CCDC148: variants seen among roughly 807,000 people sequenced by gnomAD.
CCDC148 encodes coiled-coil domain-containing protein 148.
CCDC148 carries 89 observed loss-of-function variants against 85.7 expected under a neutral mutation model. That is an observed-to-expected ratio of 1.04 (90% CI 0.87 to 1.24). CCDC148 has a LOEUF of 1.24. Ranked by LOEUF, CCDC148 falls within the 50% of genes most tolerant of loss-of-function variation. CCDC148 has a pLI of 0.00. For synonymous variants in CCDC148, 230 were observed against 213.9 expected (o/e 1.08, Z -0.66); for missense variants, 692 against 671.7 (o/e 1.03, Z -0.33).
chr2:158,256,641 A>T (rs1689023653), intron 9 of CCDC148, among the ~76,000 whole-genome samples: 1 of 151,768 alleles, frequency 6.6e-6, no homozygotes, highest in Non-Finnish European at 1.5e-5. Context: ...CATTTATGAG[A>T]GATTATTCTG....
chr2:158,261,918 A>G (rs909401622), intron 9 of CCDC148, among the ~76,000 whole-genome samples: 9 of 152,120 alleles, frequency 5.9e-5, no homozygotes, highest in Non-Finnish European at 8.8e-5. Context: ...TGTTGGTGTA[A>G]GTGTAAATTA....
intron 1 of CCDC148, among the ~76,000 whole-genome samples, chr2:158,452,084 A>C (rs1200678871): frequency 6.6e-6 from 1 of 152,240 alleles, no homozygotes; most frequent in Non-Finnish European, 1.5e-5. Flanking sequence ...TGAGAATTAA[A>C]CTGATAAAAG....
intron 1 of CCDC148, among the ~76,000 whole-genome samples, chr2:158,410,519 A>G (rs979573524): frequency 6.6e-6 from 1 of 152,104 alleles, no homozygotes; most frequent in Non-Finnish European, 1.5e-5. Context: ...TTGTGTATCA[A>G]TTATAGGTGT....
chr2:158,365,941 C>T (rs1484215412), intron 1 of CCDC148: 1 of 1,090,508 alleles, frequency 9.2e-7, no homozygotes, highest in African/African-American at 1.7e-5. Context: ...AATCAACATT[C>T]CAATTGTGTA....
intron 1 of CCDC148, among the ~76,000 whole-genome samples, chr2:158,361,996 C>A (rs866398755): frequency 5.8e-3 from 630 of 109,536 alleles, no homozygotes; most frequent in Non-Finnish European, 6.4e-3. Flanking sequence ...AATGGAAAGC[C>A]AAAAAAAAAA....
At chr2:158,240,667 A>G (rs1191480352) in intron 10 of CCDC148, among the ~76,000 whole-genome samples, 1 of 152,076 alleles carries the variant, frequency 6.6e-6, no homozygotes, top group East Asian at 1.9e-4. Context: ...CACCGCCTGA[A>G]GCCCTGAGAT....
chr2:158,184,401 T>C (rs1010386431), intron 11 of CCDC148, among the ~76,000 whole-genome samples: 7 of 152,130 alleles, frequency 4.6e-5, no homozygotes, highest in African/African-American at 1.7e-4. Context: ...CAAGCACTGT[T>C]CTAGGTGCTC....
intron 11 of CCDC148, among the ~76,000 whole-genome samples, chr2:158,198,886 G>C (rs1685808829): frequency 6.6e-6 from 1 of 152,170 alleles, no homozygotes; most frequent in South Asian, 2.1e-4. Flanking sequence ...GAAGACTTCT[G>C]TTATGATGAG....
chr2:158,341,753 A>G (rs1202875385), intron 3 of CCDC148, among the ~76,000 whole-genome samples: 2 of 152,066 alleles, frequency 1.3e-5, no homozygotes. Context: ...TGATTATTAC[A>G]GTATTAAAAT....
At chr2:158,336,284 C>T (rs996480743) in intron 7 of CCDC148, among the ~76,000 whole-genome samples, 5 of 152,170 alleles carry the variant, frequency 3.3e-5, no homozygotes, top group African/African-American at 1.2e-4. Context: ...TAGCCACCAC[C>T]TCTGTATTTA....
chr2:158,341,431 C>T lies in CCDC148; in HGVS notation c.252-751G>A, dbSNP rs377134750. 2.0e-5 allele frequency among the ~76,000 whole-genome samples: 3 copies of T among 151,974 alleles called. No homozygotes were observed. The South Asian group carries it at 6.2e-4, about 32-fold the overall frequency. On this transcript the variant is annotated intron_variant, in intron 3 of 13. Coordinates refer to ENST00000283233, the MANE Select transcript of CCDC148 (RefSeq NM_138803.4). ...AAGTGATCCTCGTGCCTAAGCCTCCCGAGTAGGTGGAACTACAGGCATGTG... is the reference window on the plus strand; with the variant it reads ...AAGTGATCCTCGTGCCTAAGCCTCCTGAGTAGGTGGAACTACAGGCATGTG...
Position 158,404,440 on chromosome 2 carries a change from T to C in CCDC148, c.26-45870A>G, listed in dbSNP as rs559284760. Among the ~76,000 whole-genome samples the C allele has an allele frequency of 9.2e-5, 14 of 152,258 alleles. No homozygotes were observed. The South Asian group carries it at 2.7e-3, about 29-fold the overall frequency. ...GGAAGCGCTTGAGTGAATAAAAAAC[T>C]TCCAATTTTGTAATTAGTTGGTGAT... On this transcript the variant is annotated intron_variant, in intron 1 of 13. Coordinates refer to ENST00000283233, the MANE Select transcript of CCDC148 (RefSeq NM_138803.4).
chr2:158,414,941 T>C (rs1686427900), intron 1 of CCDC148, among the ~76,000 whole-genome samples: 1 of 152,084 alleles, frequency 6.6e-6, no homozygotes, highest in African/African-American at 2.4e-5. Flanking sequence ...TAGACATGAA[T>C]GTAAAAAGTG....
intron 10 of CCDC148, among the ~76,000 whole-genome samples, chr2:158,231,035 C>T (rs1391413897): frequency 6.6e-6 from 1 of 152,116 alleles, no homozygotes; most frequent in Non-Finnish European, 1.5e-5. Flanking sequence ...ACTTGACAAG[C>T]CCATAAGACC....
chr2:158,401,013 G>C (rs989370962), intron 1 of CCDC148, among the ~76,000 whole-genome samples: 1 of 152,072 alleles, frequency 6.6e-6, no homozygotes, highest in Non-Finnish European at 1.5e-5. Flanking sequence ...ATCATCTCAC[G>C]CCAGTTAGAA....
At chr2:158,297,225 C>T (rs974430290) in intron 9 of CCDC148, among the ~76,000 whole-genome samples, 10 of 152,108 alleles carry the variant, frequency 6.6e-5, no homozygotes, top group Admixed American at 2.0e-4. Context: ...GTCTAATCAA[C>T]GAAGTATATT....
chr2:158,209,596 T>G (rs1243161456), intron 11 of CCDC148, among the ~76,000 whole-genome samples: 2 of 152,116 alleles, frequency 1.3e-5, no homozygotes, highest in Non-Finnish European at 2.9e-5. Flanking sequence ...GGGATGCCCA[T>G]CAGACTAACA....
chr2:158,345,808 G>T (rs988543250), intron 2 of CCDC148, among the ~76,000 whole-genome samples: 1 of 152,156 alleles, frequency 6.6e-6, no homozygotes, highest in East Asian at 1.9e-4. Context: ...GTTTAGATTG[G>T]CTTCTATCTG....
intron 11 of CCDC148, among the ~76,000 whole-genome samples, chr2:158,218,778 G>T (rs1017618899): frequency 6.6e-6 from 1 of 152,128 alleles, no homozygotes; most frequent in East Asian, 1.9e-4. Context: ...TTAGGTCTTG[G>T]TTTGTGTTTG....
Sources: gnomAD v4.1 joint callset for allele counts (sites outside exome capture counted in the v4.1 genomes callset) on GRCh38, gnomAD v4.1.1 for gene constraint, MANE v1.5 for transcripts, NCBI Gene and HGNC (gene_info 2026-07-23, HGNC 2026-07-21) for gene names.